FBN3: variants seen among roughly 807,000 people sequenced by gnomAD.
FBN3 encodes fibrillin 3, also known as fibrillin-3.
Under a neutral mutation model 330.1 loss-of-function variants are expected in FBN3, and 234 were observed. That is an observed-to-expected ratio of 0.71 (90% confidence interval 0.64 to 0.79). The LOEUF is 0.79. FBN3 is among the 30% of genes least tolerant of loss of function. The pLI, the probability that FBN3 is intolerant of heterozygous loss-of-function variation, is 0.00. For missense variants in FBN3, 3,606 were observed against 3,886.9 expected, an observed-to-expected ratio of 0.93 and a Z score of 1.92; for synonymous variants, 1,458 against 1,517.3, an observed-to-expected ratio of 0.96 and a Z score of 0.91.
intron 59 of FBN3, among the ~76,000 whole-genome samples, chr19:8,078,388 C>G (rs908628335): frequency 5.9e-5 from 9 of 152,170 alleles, no homozygotes; most frequent in Non-Finnish European, 1.5e-5. Context: ...ATATTTACTC[C>G]TCTTGAGCCC....
chr19:8,082,450 TCCCTTC>T (rs2081821637), intron 57 of FBN3, among the ~76,000 whole-genome samples: 2 of 119,098 alleles, frequency 1.7e-5, no homozygotes, highest in South Asian at 7.5e-4. Context: ...CTTCCTTCCT[TCCCTTC>T]CCTTCCTTCC....
At chr19:8,086,147 G>A in intron 55 of FBN3, 53 bp downstream of exon 55, 1 of 1,541,320 alleles carries the variant, frequency 6.5e-7, no homozygotes, top group Non-Finnish European at 8.8e-7. Flanking sequence ...GACAGGCAGT[G>A]GGTGCCACAT....
intron 1 of FBN3, chr19:8,148,668 G>A (rs906630960): frequency 6.6e-6 from 1 of 152,270 alleles, no homozygotes; most frequent in Non-Finnish European, 1.5e-5. Flanking sequence ...GTTCCAGGGA[G>A]GAAAGGAACC....
In FBN3 at chr19:8,146,242, G is replaced by T. The variant is rs1469206780; in HGVS notation, c.251-17C>A. The T allele has an allele frequency of 6.4e-7, 1 of 1,572,778 alleles. No individual in the cohort carries two copies. Among genetic ancestry groups the T allele is most frequent in the Non-Finnish European group, 8.6e-7 (1 of 1,159,148 alleles). On this transcript the variant is annotated splice_polypyrimidine_tract_variant and intron_variant, in intron 3 of 63. Transcript: ENST00000600128. ...TACAGATGGCTGGATGAGTGCAGCGGGTGGCAGTCAAGACCAGGACCGAGC... is the reference window on the plus strand; with the variant it reads ...TACAGATGGCTGGATGAGTGCAGCGTGTGGCAGTCAAGACCAGGACCGAGC...
In FBN3 at chr19:8,147,386, C is replaced by A. The variant is rs1185273014; in HGVS notation, c.95G>T (p.Arg32Leu). Residue 32 changes from arginine to leucine, a missense_variant, in exon 2 of 64, where the codon CGC becomes CTC. Physicochemically the swap from Arg to Leu is moderately radical, Grantham distance 102. Coordinates refer to ENST00000600128, the MANE Select transcript of FBN3 (RefSeq NM_032447.5). ...TGCAGCCTCCAAGGCCCCGTCCCAG[C>A]GGCCTTGGCCACCTGCCATGCACAA... ...ALLCMAGGQG[R>L]WDGALEAAGP... 1 of 1,597,394 alleles carries A rather than the reference C, an allele frequency of 6.3e-7. No individual in the cohort carries two copies. The highest frequency in any genetic ancestry group is 8.5e-7 in the Non-Finnish European group (1 of 1,173,718).
chr19:8,077,158 G>A (rs924010088), intron 59 of FBN3, among the ~76,000 whole-genome samples: 2 of 152,222 alleles, frequency 1.3e-5, no homozygotes, highest in African/African-American at 2.4e-5. Context: ...AGGTTGCTAC[G>A]ATGGTAGGAG....
chr19:8,119,104 T>C (rs2082778333), intron 25 of FBN3, 82 bp from the exon 26 acceptor site: 2 of 1,458,614 alleles, frequency 1.4e-6, no homozygotes, highest in South Asian at 1.3e-5. Context: ...CTGGCTTCTC[T>C]CCGCCACCTC....
intron 26 of FBN3, 91 bp from the exon 27 acceptor site, chr19:8,117,680 G>A: frequency 4.2e-6 from 6 of 1,412,204 alleles, no homozygotes; most frequent in Non-Finnish European, 5.7e-6. Context: ...TGCATGCTAA[G>A]GAGCTCACAC....
chr19:8,135,507 A>ACCTCAGGTGATCCACCCC (rs2083257624), intron 13 of FBN3, among the ~76,000 whole-genome samples: 1 of 30,062 alleles, frequency 3.3e-5, no homozygotes, highest in Non-Finnish European at 4.9e-5. Context: ...CGAACTCCTG[A>ACCTCAGGTGATCCACCCC]CCTCGGCCTC....
intron 57 of FBN3, among the ~76,000 whole-genome samples, chr19:8,081,954 CCCTT>C (rs1264324949): frequency 1.3e-5 from 2 of 149,588 alleles, no homozygotes; most frequent in African/African-American, 4.9e-5. Context: ...CTCCCTCCCT[CCCTT>C]CCTTGTTTCT....
At position 8,114,084 on chromosome 19, in the gene FBN3, A is replaced by C. The variant is rs150817748; in HGVS notation, c.3838+1431T>G. ...AAGAAGGCCGTGTGAAGATGGAGAC[A>C]GAGACTGGAATGACACATCTACAAG... On this transcript the variant is annotated intron_variant, in intron 30 of 63. Coordinates refer to ENST00000600128, the MANE Select transcript of FBN3 (RefSeq NM_032447.5). Among the ~76,000 whole-genome samples the C allele has an allele frequency of 2.0e-5, 3 of 152,220 alleles. No homozygotes were observed. In the East Asian group the frequency reaches 5.8e-4, roughly 29 times the overall value.
Position 8,146,104 on chromosome 19 carries a change from G to T in FBN3, c.349+23C>A, listed in dbSNP as rs780932706. 1.0e-5 allele frequency: 16 copies of T among 1,562,356 alleles called. No individual in the cohort carries two copies. In the South Asian group the frequency reaches 1.3e-4, roughly 13 times the overall value. On this transcript the variant is annotated intron_variant, in intron 4 of 63. Transcript: ENST00000600128. ...ACCCTGTGAACTTCTTCTCCCTCCC[G>T]CAAGAGGCCGCTTCCCGCTCACCTC... is the stretch of plus-strand genomic sequence containing the variant.
chr19:8,099,288 T>C (rs1488990309), intron 41 of FBN3, among the ~76,000 whole-genome samples: 6 of 146,212 alleles, frequency 4.1e-5, no homozygotes, highest in Non-Finnish European at 9.0e-5. Flanking sequence ...TTTTTTTTTT[T>C]TTTTTTTTTT....
chr19:8,071,778 G>A lies in FBN3; in HGVS notation c.8088+270C>T, dbSNP rs112618379. 2.1e-3 allele frequency among the ~76,000 whole-genome samples: 326 copies of A among 152,246 alleles called. 4 individuals are homozygous for A. Among genetic ancestry groups the A allele is most frequent in the African/African-American group, 7.7e-3 (320 of 41,552 alleles). ...CATAGAAAGCATCACAGCCCGGCCA[G>A]GGTCTGTATGGAAGACGCCTGACTT... is the stretch of plus-strand genomic sequence containing the variant. On this transcript the variant is annotated intron_variant, in intron 63 of 63. Transcript: ENST00000600128.
At chr19:8,147,803 G>T in intron 1 of FBN3, 1 of 276,810 alleles carries the variant, frequency 3.6e-6, no homozygotes, top group Middle Eastern at 1.0e-3. Context: ...TTGCAGGAGT[G>T]GGCATAGCAG....
chr19:8,101,709 G>A (rs954207555), intron 40 of FBN3, among the ~76,000 whole-genome samples: 1 of 136,444 alleles, frequency 7.3e-6, no homozygotes, highest in Admixed American at 7.6e-5. Flanking sequence ...TCTAACCAGC[G>A]GTGCTTTCCT....
chr19:8,122,119 C>T (rs936142399), intron 24 of FBN3, among the ~76,000 whole-genome samples: 2 of 152,022 alleles, frequency 1.3e-5, no homozygotes, highest in African/African-American at 2.4e-5. Flanking sequence ...CCTCCCAGGG[C>T]CTCAAGGGAT....
chr19:8,143,406 A>C (rs1599450611), intron 6 of FBN3, among the ~76,000 whole-genome samples: 4 of 143,340 alleles, frequency 2.8e-5, no homozygotes, highest in South Asian at 2.3e-4. Context: ...GTTCATCCTG[A>C]CTCCCTCCTT....
chr19:8,074,175 G>C (rs2081586269), intron 61 of FBN3, among the ~76,000 whole-genome samples: 1 of 152,116 alleles, frequency 6.6e-6, no homozygotes, highest in Non-Finnish European at 1.5e-5. Context: ...CAAACAGTTG[G>C]GGAAAGAATG....
Sources: allele counts gnomAD v4.1 joint callset (sites outside exome capture counted in the v4.1 genomes callset), GRCh38; gene constraint gnomAD v4.1.1; transcripts MANE v1.5; gene names NCBI Gene and HGNC (gene_info 2026-07-23, HGNC 2026-07-21).